PRR5: variants seen among roughly 807,000 people sequenced by gnomAD.
The protein encoded by PRR5 is proline-rich protein 5.
A neutral mutation model predicts 30.6 loss-of-function variants in PRR5; 25 were observed. The ratio of observed to expected loss-of-function variants is 0.82; its 90% CI spans 0.60 to 1.14. The LOEUF (loss-of-function observed/expected upper bound fraction) is 1.14. PRR5 is among the 50% of genes most tolerant of loss of function. The pLI is 0.00. For synonymous variants in PRR5, 286 were observed against 247.1 expected, an observed-to-expected ratio of 1.16 and a Z score of -1.48; for missense variants, 600 against 547.1, an observed-to-expected ratio of 1.10 and a Z score of -0.96.
chr22:44,702,699 A>G (rs1035848480), intron 1 of PRR5, 91 bp downstream of exon 1: 139 of 1,225,040 alleles, frequency 1.1e-4, no homozygotes, highest in Non-Finnish European at 1.3e-4. Context: ...GCCCCGAGCC[A>G]GGAACGCTGC....
upstream of PRR5, among the ~76,000 whole-genome samples, chr22:44,698,131 G>A (rs1925927659): frequency 6.6e-6 from 1 of 152,190 alleles, no homozygotes; most frequent in Non-Finnish European, 1.5e-5. Context: ...GTAGTTCTGA[G>A]GATATCAGGG....
intron 1 of PRR5, among the ~76,000 whole-genome samples, chr22:44,709,012 C>T (rs1194406174): frequency 6.6e-6 from 1 of 150,896 alleles, no homozygotes; most frequent in African/African-American, 2.4e-5. Flanking sequence ...AAGGACTGCC[C>T]AGGTTCATGC....
chr22:44,670,960 C>T (rs1039186131), intron 1 of PRR5, among the ~76,000 whole-genome samples: 2 of 152,116 alleles, frequency 1.3e-5, no homozygotes, highest in African/African-American at 4.8e-5. Context: ...CGTGAGACTC[C>T]CATAGAGGAG....
At position 44,737,462 on chromosome 22, in the gene PRR5, C is replaced by T. The variant is rs967677864; in HGVS notation, c.*215C>T. The T allele has an allele frequency of 3.9e-6, 4 of 1,031,222 alleles. No individual in the cohort carries two copies. The highest frequency in any genetic ancestry group is 4.0e-6 in the Non-Finnish European group (3 of 753,902). The allele number at this position is 1,031,222 out of a possible 1,614,324, so 63.9% of individuals were successfully genotyped here. A position where few individuals can be genotyped will look rare whatever the true frequency, so the allele number is the denominator to read the frequency against. Reference sequence around the variant, plus strand: ...GGTCTGTTTCAGGCATCTGAGTCGGCGTTTACCCAGGGGCCGGGCCAGAGA... The same window carrying T: ...GGTCTGTTTCAGGCATCTGAGTCGGTGTTTACCCAGGGGCCGGGCCAGAGA... On this transcript the variant is annotated 3_prime_UTR_variant, in exon 8 of 8. Transcript: ENST00000336985.
chr22:44,734,807 GAT>G, intron 6 of PRR5: 1 of 632,094 alleles, frequency 1.6e-6, no homozygotes, highest in Non-Finnish European at 2.7e-6. Context: ...TGGTCTCCCA[GAT>G]CCCGACGCTG....
chr22:44,676,110 G>A (rs143481912), upstream of PRR5, among the ~76,000 whole-genome samples: 786 of 152,024 alleles, frequency 5.2e-3, 4 homozygotes, highest in African/African-American at 0.018. Context: ...AAGGCTGGGC[G>A]CAGTGGCTCA....
At chr22:44,731,887 A>C (rs1220266826) in intron 5 of PRR5, 66 bp downstream of exon 5, 3 of 1,509,980 alleles carry the variant, frequency 2.0e-6, no homozygotes, top group Non-Finnish European at 2.7e-6. Context: ...GCCTCACTCT[A>C]CAGAGGGGGG....
At chr22:44,697,642 C>T (rs932984533), upstream of PRR5, among the ~76,000 whole-genome samples, 2 of 152,212 alleles carry the variant, frequency 1.3e-5, no homozygotes, top group Non-Finnish European at 2.9e-5. Flanking sequence ...GCAGGCAGGG[C>T]GTGGGCAACT....
At chr22:44,679,131 C>A (rs756338002) in intron 1 of PRR5, among the ~76,000 whole-genome samples, 1 of 152,138 alleles carries the variant, frequency 6.6e-6, no homozygotes, top group African/African-American at 2.4e-5. Flanking sequence ...TCAGGAGATA[C>A]GTGCGGCCAC....
chr22:44,677,791 C>CT (rs1364908983), intron 1 of PRR5, among the ~76,000 whole-genome samples: 16 of 152,194 alleles, frequency 1.1e-4, no homozygotes, highest in Non-Finnish European at 1.5e-5. Context: ...GCCTCGGTCT[C>CT]TAATTTGTGA....
Position 44,702,254 on chromosome 22 carries a change from C to G in PRR5, c.-221C>G, listed in dbSNP as rs930015273. ...CTGGCCGCGCGCCTGGCGCTCCACGCTGAGCCTCTCCGTGCAATGATTAAC... is the reference window on the plus strand; with the variant it reads ...CTGGCCGCGCGCCTGGCGCTCCACGGTGAGCCTCTCCGTGCAATGATTAAC... On this transcript the variant is annotated 5_prime_UTR_variant, in exon 1 of 8. Coordinates refer to ENST00000336985, the MANE Select transcript of PRR5 (RefSeq NM_181333.4). 8.8e-7 allele frequency: 1 copy of G among 1,136,624 alleles called. No homozygotes were observed. The allele number at this position is 1,136,624 out of a possible 1,614,324, so 70.4% of individuals were successfully genotyped here. A position where few individuals can be genotyped will look rare whatever the true frequency, so the allele number is the denominator to read the frequency against.
chr22:44,736,701 G>A (rs897839391), intron 7 of PRR5, 71 bp from the exon 8 acceptor site: 5 of 1,506,400 alleles, frequency 3.3e-6, no homozygotes, highest in African/African-American at 1.4e-5. Flanking sequence ...AGTGTGCAGT[G>A]AGCAGCAGGT....
chr22:44,671,552 C>A (rs1308526726), intron 1 of PRR5, among the ~76,000 whole-genome samples: 1 of 152,014 alleles, frequency 6.6e-6, no homozygotes, highest in East Asian at 1.9e-4. Flanking sequence ...GGTGGCCCAG[C>A]AGGAGGAGCC....
At chr22:44,683,779 C>A (rs1396866086) in intron 1 of PRR5, among the ~76,000 whole-genome samples, 1 of 152,248 alleles carries the variant, frequency 6.6e-6, no homozygotes, top group Non-Finnish European at 1.5e-5. Flanking sequence ...TTAGCTACAT[C>A]CTAAGCCTCA....
intron 4 of PRR5, among the ~76,000 whole-genome samples, chr22:44,726,952 C>A (rs957636621): frequency 6.6e-6 from 1 of 152,168 alleles, no homozygotes; most frequent in Admixed American, 6.5e-5. Context: ...CTGGGAGAGC[C>A]CCTGTCCTGG....
chr22:44,730,914 C>T (rs1361072064), intron 4 of PRR5: 2 of 458,812 alleles, frequency 4.4e-6, no homozygotes, highest in African/African-American at 2.0e-5. Flanking sequence ...TATGATCCTG[C>T]TCAGTGTCCC....
At chr22:44,725,393 C>T (rs1202637925) in intron 3 of PRR5, 101 bp downstream of exon 3, 11 of 1,521,552 alleles carry the variant, frequency 7.2e-6, no homozygotes, top group Middle Eastern at 1.9e-4. Flanking sequence ...CCGGCTCCCC[C>T]ACTGTCTGCC....
chr22:44,675,808 C>T (rs1923721011), upstream of PRR5, among the ~76,000 whole-genome samples: 1 of 124,606 alleles, frequency 8.0e-6, no homozygotes. Context: ...ACTTAGGTCA[C>T]ATATCCTAAT....
At chr22:44,726,843 C>T (rs1247296310) in intron 4 of PRR5, among the ~76,000 whole-genome samples, 3 of 152,160 alleles carry the variant, frequency 2.0e-5, no homozygotes, top group Non-Finnish European at 4.4e-5. Flanking sequence ...CCCGAACTTG[C>T]TGGAGCCCAG....
Sources: gnomAD v4.1 joint callset for allele counts (sites outside exome capture counted in the v4.1 genomes callset) on GRCh38, gnomAD v4.1.1 for gene constraint, MANE v1.5 for transcripts, NCBI Gene and HGNC (gene_info 2026-07-23, HGNC 2026-07-21) for gene names.